Variants in PAPOLG observed in about 807,000 individuals in gnomAD.
PAPOLG encodes the protein PAP-gamma.
Under a neutral mutation model 99.0 loss-of-function variants are expected in PAPOLG, and 40 were observed. That is an observed-to-expected ratio of 0.40 (90% CI 0.31 to 0.53). The LOEUF (loss-of-function observed/expected upper bound fraction) is 0.53. PAPOLG is among the 20% of genes least tolerant of loss of function. The probability of loss-of-function intolerance (pLI) is 0.41; values close to 1 mark genes in which losing one functional copy is unlikely to be tolerated. For missense variants in PAPOLG, 675 were observed against 884.1 expected, an observed-to-expected ratio of 0.76 and a Z score of 3.00; for synonymous variants, 310 against 299.3, an observed-to-expected ratio of 1.04 and a Z score of -0.37.
intron 13 of PAPOLG, among the ~76,000 whole-genome samples, chr2:60,785,668 C>T (rs1392181105): frequency 6.6e-6 from 1 of 151,290 alleles, no homozygotes; most frequent in African/African-American, 2.4e-5. Flanking sequence ...GGCCTGCAGG[C>T]CCTTGCTACC....
chr2:60,792,251 G>C lies in PAPOLG; in HGVS notation c.1641G>C (p.Ala547=). ...ATGGAACACCTTTTAATTCTCCAGC[G>C]TCCAAGTCTGATAGCCCTTCTGTAG... is the stretch of plus-strand genomic sequence containing the variant. ...TDNGTPFNSP[A]SKSDSPSVGE... The change falls in exon 17 of 22, where the codon GCG becomes GCC. Residue 547 remains alanine, a synonymous_variant. Coordinates refer to ENST00000238714, the MANE Select transcript of PAPOLG (RefSeq NM_022894.4). 6.2e-7 allele frequency: 1 copy of C among 1,609,004 alleles called. No homozygotes were observed. Among genetic ancestry groups the C allele is most frequent in the South Asian group, 1.1e-5 (1 of 89,630 alleles).
At chr2:60,757,415 C>T (rs1006500653) in intron 1 of PAPOLG, among the ~76,000 whole-genome samples, 2 of 151,976 alleles carry the variant, frequency 1.3e-5, no homozygotes, top group African/African-American at 4.8e-5. Context: ...TATTTTACTT[C>T]TTTTTTTTCC....
Position 60,797,048 on chromosome 2 carries a change from T to C in PAPOLG, c.2113-14T>C, listed in dbSNP as rs763653859. On this transcript the variant is annotated splice_polypyrimidine_tract_variant and intron_variant, in intron 21 of 21. Coordinates refer to ENST00000238714, the MANE Select transcript of PAPOLG (RefSeq NM_022894.4). ...TGTGCTTTTCCTTTTTTGTTTCCTCTTTCTTTCTAATAGAGACTACCCAGT... is the reference window on the plus strand; with the variant it reads ...TGTGCTTTTCCTTTTTTGTTTCCTCCTTCTTTCTAATAGAGACTACCCAGT... 6.2e-7 allele frequency: 1 copy of C among 1,612,746 alleles called. No individual in the cohort carries two copies.
rs2103836757 is a variant in PAPOLG, at chr2:60,798,664, A to G, written c.*1504A>G. ...GTAGTGTGGGGAAGACACCTCGTGTATTATAGGACTCACGGGATGCCATCT... is the reference window on the plus strand; with the variant it reads ...GTAGTGTGGGGAAGACACCTCGTGTGTTATAGGACTCACGGGATGCCATCT... On this transcript the variant is annotated 3_prime_UTR_variant, in exon 22 of 22. Transcript: ENST00000238714. 1 of 152,468 alleles carries G rather than the reference A, an allele frequency of 6.6e-6. No individual in the cohort carries two copies. The highest frequency in any genetic ancestry group is 2.1e-4 in the South Asian group (1 of 4,828). The allele number at this position is 152,468 out of a possible 1,614,324, so 9.4% of individuals were successfully genotyped here.
chr2:60,782,807 T>A, intron 12 of PAPOLG, 37 bp downstream of exon 12: 1 of 1,535,040 alleles, frequency 6.5e-7, no homozygotes, highest in Non-Finnish European at 8.7e-7. Flanking sequence ...TATGTGATTT[T>A]TTTTTTTTTA....
intron 10 of PAPOLG, among the ~76,000 whole-genome samples, chr2:60,781,601 A>G (rs1275747283): frequency 6.6e-6 from 1 of 152,190 alleles, no homozygotes; most frequent in East Asian, 1.9e-4. Flanking sequence ...TGTAGTTATA[A>G]TACTGTATTT....
At chr2:60,769,613 T>TTAAA (rs1670787223) in intron 5 of PAPOLG, among the ~76,000 whole-genome samples, 1 of 152,210 alleles carries the variant, frequency 6.6e-6, no homozygotes, top group Non-Finnish European at 1.5e-5. Flanking sequence ...CTCAACTGTA[T>TTAAA]TAATTAAATT....
rs1671162986 is a variant in PAPOLG at position 60,780,737 on chromosome 2, A to C, written c.864A>C (p.Gln288His). Residue 288 changes from glutamine (Q) to histidine (H), a missense_variant, in exon 10 of 22, where the codon CAA (glutamine) becomes CAC (histidine). Physicochemically the swap from Gln to His is conservative, Grantham distance 24. This residue lies in a region of PAPOLG where 113 missense variants were observed against 231.5 expected (regional missense o/e 0.49). Coordinates refer to ENST00000238714, the MANE Select transcript of PAPOLG (RefSeq NM_022894.4). ...WEWPNPVLLK[Q>H]PEESNLNLPV... ...GGCCAAATCCTGTGCTGCTGAAGCA[A>C]CCAGAAGAAAGCAATTTGAATTTGC... 1 of 1,614,164 alleles carries C rather than the reference A, an allele frequency of 6.2e-7. No homozygotes were observed. The highest frequency in any genetic ancestry group is 2.2e-5 in the East Asian group (1 of 44,880).
Position 60,787,519 on chromosome 2 carries a change from A to C in PAPOLG, c.1295A>C (p.Tyr432Ser). ...GNKEHHKDNNYVSMWFLGIIF... is the reference protein window; with the variant it reads ...GNKEHHKDNNSVSMWFLGIIF... ...TAAATTTTACTTTATAGCAACAATT[A>C]CGTATCAATGTGGTTCCTTGGGATA... is the stretch of plus-strand genomic sequence containing the variant. The change falls in exon 15 of 22, where the codon TAC becomes TCC. Residue 432 changes from tyrosine to serine, a missense_variant. This residue lies in a region of PAPOLG where 413 missense variants were observed against 460.5 expected (regional missense o/e 0.90). Coordinates refer to ENST00000238714, the MANE Select transcript of PAPOLG (RefSeq NM_022894.4). The C allele has an allele frequency of 1.9e-6, 3 of 1,612,062 alleles. No individual in the cohort carries two copies. Among genetic ancestry groups the C allele is most frequent in the Non-Finnish European group, 2.5e-6 (3 of 1,179,412 alleles).
At chr2:60,773,944 A>C (rs1462084594) in intron 7 of PAPOLG, among the ~76,000 whole-genome samples, 1 of 152,222 alleles carries the variant, frequency 6.6e-6, no homozygotes, top group Non-Finnish European at 1.5e-5. Flanking sequence ...TTTTCAGGTG[A>C]AACTGGTGTT....
chr2:60,786,562 T>C (rs1417026987), intron 13 of PAPOLG, among the ~76,000 whole-genome samples: 2 of 151,550 alleles, frequency 1.3e-5, no homozygotes, highest in Non-Finnish European at 1.5e-5. Context: ...GGAGTCTTGC[T>C]CTGTTGCCCA....
chr2:60,795,333 G>C (rs773524542), intron 21 of PAPOLG: 5 of 510,876 alleles, frequency 9.8e-6, no homozygotes, highest in African/African-American at 1.9e-5. Context: ...CCAAGCACCT[G>C]GAGGTATATC....
intron 15 of PAPOLG, among the ~76,000 whole-genome samples, chr2:60,791,130 T>G (rs541606655): frequency 6.6e-6 from 1 of 151,932 alleles, no homozygotes; most frequent in African/African-American, 2.4e-5. Flanking sequence ...CAAGTAGTTA[T>G]GAGGAGAGAT....
intron 15 of PAPOLG, among the ~76,000 whole-genome samples, chr2:60,790,518 C>T (rs1671499360): frequency 6.6e-6 from 1 of 152,084 alleles, no homozygotes; most frequent in Admixed American, 6.6e-5. Flanking sequence ...GGTATATTTA[C>T]AATTAAAACA....
intron 15 of PAPOLG, among the ~76,000 whole-genome samples, chr2:60,790,616 C>A (rs1640535752): frequency 6.6e-6 from 1 of 152,170 alleles, no homozygotes; most frequent in African/African-American, 2.4e-5. Flanking sequence ...TGTGTGGATT[C>A]TGATCCTGGC....
Position 60,763,518 on chromosome 2 carries a change from T to A in PAPOLG, c.246+1711T>A, listed in dbSNP as rs200271208. Among the ~76,000 whole-genome samples the A allele has an allele frequency of 6.6e-5, 10 of 152,126 alleles. No homozygotes were observed. In the East Asian group the frequency reaches 1.9e-3, roughly 29 times the overall value. ...TGAATATAATTGTTTTTGTTTTTGT[T>A]TTTGAGATAGAATCTTGCTCTGTCA... On this transcript the variant is annotated intron_variant, in intron 3 of 21. Transcript: ENST00000238714.
chr2:60,771,427 C>G (rs1036582842), intron 6 of PAPOLG, 92 bp from the exon 7 acceptor site: 153 of 1,429,726 alleles, frequency 1.1e-4, no homozygotes, highest in Admixed American at 4.1e-4. Flanking sequence ...AAACTCATAA[C>G]CAGAGCTTTT....
intron 16 of PAPOLG, 26 bp from the exon 17 acceptor site, chr2:60,792,103 A>G (rs745806965): frequency 6.4e-7 from 1 of 1,560,184 alleles, no homozygotes; most frequent in Non-Finnish European, 8.6e-7. Flanking sequence ...GCATTTTGAA[A>G]TCCTAAAATC....
At chr2:60,764,750 T>G (rs1670623734) in intron 3 of PAPOLG, among the ~76,000 whole-genome samples, 1 of 152,198 alleles carries the variant, frequency 6.6e-6, no homozygotes, top group African/African-American at 2.4e-5. Context: ...TTACAGCTTT[T>G]ATTATTTTTT....
Sources: gnomAD v4.1 joint callset for allele counts (sites outside exome capture counted in the v4.1 genomes callset) on GRCh38, gnomAD v4.1.1 for gene constraint, gnomAD v4.1.1 regional missense constraint, MANE v1.5 for transcripts, NCBI Gene and HGNC (gene_info 2026-07-23, HGNC 2026-07-21) for gene names.